Variants in CNTNAP3B observed in about 807,000 individuals in gnomAD.
The protein encoded by CNTNAP3B is contactin associated protein family member 3B, also known as contactin-associated protein-like 3B.
A neutral mutation model predicts 108.9 loss-of-function variants in CNTNAP3B; 25 were observed. The observed-to-expected ratio is 0.23, with a 90% confidence interval of 0.17 to 0.32. The LOEUF is 0.32. Among genes scored for constraint, CNTNAP3B ranks in the 10% least tolerant of loss-of-function variants. The pLI, the probability that CNTNAP3B is intolerant of heterozygous loss-of-function variation, is 1.00. For missense variants in CNTNAP3B, 252 were observed against 1,210.4 expected, an observed-to-expected ratio of 0.21 and a Z score of 11.75; for synonymous variants, 103 against 473.4, an observed-to-expected ratio of 0.22 and a Z score of 10.16.
chr9:42,094,671 A>T lies in CNTNAP3B; in HGVS notation c.196+9958T>A, dbSNP rs1465440316. 1.8e-4 allele frequency among the ~76,000 whole-genome samples: 19 copies of T among 106,970 alleles called. 2 individuals carry two copies. Among genetic ancestry groups the T allele is most frequent in the African/African-American group, 7.3e-4 (19 of 26,196 alleles). The allele number at this position is 106,970 out of a possible 152,430, so 70.2% of individuals were successfully genotyped here. A position where few individuals can be genotyped will look rare whatever the true frequency, so the allele number is the denominator to read the frequency against. ...GACTGTGTTTCAGAAAAAGAAAGAG[A>T]AAGAGAGAAGAGGGGAAAAGAAAAA... is the stretch of plus-strand genomic sequence containing the variant. On this transcript the variant is annotated intron_variant, in intron 2 of 23. Coordinates refer to ENST00000377561, the MANE Select transcript of CNTNAP3B (RefSeq NM_001201380.3).
At position 42,047,350 on chromosome 9, in the gene CNTNAP3B, A is replaced by G. The variant is rs1191613482; in HGVS notation, c.390+29519T>C. ...CTTCAGCATACAAAGTAAAATGTCA[A>G]TAATAAGAAGTAAGTGGTTACTAAA... On this transcript the variant is annotated intron_variant, in intron 3 of 23. Transcript: ENST00000377561. Among the ~76,000 whole-genome samples the G allele has an allele frequency of 2.2e-5, 3 of 133,990 alleles. 1 individual carries two copies. The highest frequency in any genetic ancestry group is 9.0e-5 in the African/African-American group (3 of 33,200). 87.9% of individuals were successfully genotyped at this position (133,990 alleles called of 152,430 possible). A position where few individuals can be genotyped will look rare whatever the true frequency, so the allele number is the denominator to read the frequency against.
At chr9:41,969,018 G>C (rs868624473) in intron 10 of CNTNAP3B, among the ~76,000 whole-genome samples, 175 of 152,298 alleles carry the variant, frequency 1.1e-3, no homozygotes, top group East Asian at 3.5e-3. Context: ...GGATGGTCTC[G>C]ATCTCCTGAC....
intron 3 of CNTNAP3B, among the ~76,000 whole-genome samples, chr9:42,046,220 G>A (rs1476894658): frequency 9.8e-6 from 1 of 102,256 alleles, no homozygotes; most frequent in Non-Finnish European, 1.9e-5. Context: ...TAAACTGAGG[G>A]AGGCAGTGCT....
At chr9:41,929,875 T>A (rs1823926088) in intron 14 of CNTNAP3B, among the ~76,000 whole-genome samples, 1 of 151,914 alleles carries the variant, frequency 6.6e-6, no homozygotes, top group Non-Finnish European at 1.5e-5. Context: ...ACTAGTGGTC[T>A]GGATTTCACC....
chr9:41,952,512 G>T (rs1379657510), intron 13 of CNTNAP3B, among the ~76,000 whole-genome samples: 2 of 152,274 alleles, frequency 1.3e-5, no homozygotes, highest in Non-Finnish European at 2.9e-5. Context: ...GGTGAGTCCT[G>T]CAGGGGACTG....
chr9:41,934,307 C>T (rs1332395227), intron 14 of CNTNAP3B, among the ~76,000 whole-genome samples: 1 of 151,868 alleles, frequency 6.6e-6, no homozygotes, highest in Non-Finnish European at 1.5e-5. Context: ...TAAGCTCCGC[C>T]TTCCAGGTTC....
intron 2 of CNTNAP3B, among the ~76,000 whole-genome samples, chr9:42,094,641 A>G (rs1359418272): frequency 8.3e-6 from 1 of 120,528 alleles, no homozygotes; most frequent in Non-Finnish European, 1.7e-5. Flanking sequence ...TGGGCAACAG[A>G]GCAAGACTGT....
intron 9 of CNTNAP3B, among the ~76,000 whole-genome samples, chr9:41,977,652 C>T (rs1393279455): frequency 7.8e-6 from 1 of 128,942 alleles, no homozygotes; most frequent in African/African-American, 3.2e-5. Flanking sequence ...GCGTCTCACT[C>T]TGTCACCCAG....
chr9:41,973,070 T>C (rs886313982), intron 9 of CNTNAP3B, among the ~76,000 whole-genome samples: 1 of 139,930 alleles, frequency 7.1e-6, no homozygotes, highest in Non-Finnish European at 1.5e-5. Context: ...CCCGAGTGGC[T>C]GGGACTACAG....
intron 10 of CNTNAP3B, among the ~76,000 whole-genome samples, chr9:41,968,885 C>T (rs1468521767): frequency 1.3e-5 from 2 of 151,972 alleles, no homozygotes; most frequent in Non-Finnish European, 2.9e-5. Flanking sequence ...CAAGCTCCGC[C>T]TCCCGGGTTC....
chr9:41,919,000 C>G (rs1256010822), intron 18 of CNTNAP3B, among the ~76,000 whole-genome samples: 1 of 152,182 alleles, frequency 6.6e-6, no homozygotes, highest in East Asian at 1.9e-4. Context: ...GTGTAACAGC[C>G]CAGAGACACT....
chr9:42,116,110 A>C (rs570508245), intron 1 of CNTNAP3B, among the ~76,000 whole-genome samples: 1 of 139,772 alleles, frequency 7.2e-6, no homozygotes, highest in Non-Finnish European at 1.5e-5. Flanking sequence ...AACTGGAAGA[A>C]AGGGTATCAG....
At chr9:42,063,805 T>C (rs1827215662) in intron 3 of CNTNAP3B, among the ~76,000 whole-genome samples, 1 of 147,226 alleles carries the variant, frequency 6.8e-6, no homozygotes, top group African/African-American at 2.6e-5. Context: ...CACTGCAACC[T>C]CAAACTCCTG....
At chr9:42,076,800 A>G in intron 3 of CNTNAP3B, 69 bp downstream of exon 3, 1 of 1,386,948 alleles carries the variant, frequency 7.2e-7, no homozygotes, top group South Asian at 1.3e-5. Context: ...TTTCAAAGTA[A>G]TTCTTAAAAT....
At chr9:41,968,934 C>T (rs2118255803) in intron 10 of CNTNAP3B, among the ~76,000 whole-genome samples, 1 of 152,262 alleles carries the variant, frequency 6.6e-6, no homozygotes, top group Non-Finnish European at 1.5e-5. Flanking sequence ...GTAGCTGGAA[C>T]TACAGGCGCC....
intron 18 of CNTNAP3B, among the ~76,000 whole-genome samples, chr9:41,918,623 T>C (rs1295485655): frequency 7.7e-4 from 107 of 138,986 alleles, no homozygotes; most frequent in East Asian, 6.5e-3. Context: ...CTATAACATA[T>C]GCCCCAGCCA....
intron 14 of CNTNAP3B, among the ~76,000 whole-genome samples, chr9:41,935,667 T>A (rs1430935918): frequency 1.3e-5 from 2 of 152,270 alleles, no homozygotes; most frequent in Non-Finnish European, 2.9e-5. Flanking sequence ...TGGGTTAGGA[T>A]TTCAGAATGC....
At chr9:41,939,361 T>C (rs1174054682) in intron 13 of CNTNAP3B, among the ~76,000 whole-genome samples, 44 of 152,348 alleles carry the variant, frequency 2.9e-4, no homozygotes, top group African/African-American at 1.1e-3. Context: ...CAATAGGTTG[T>C]TACCATTGGA....
intron 1 of CNTNAP3B, among the ~76,000 whole-genome samples, chr9:42,118,376 G>A (rs1254301333): frequency 2.9e-5 from 4 of 139,532 alleles, no homozygotes; most frequent in East Asian, 2.2e-4. Flanking sequence ...TTCAACATAC[G>A]AAAATCAATA....
Sources: gnomAD v4.1 joint callset for allele counts (sites outside exome capture counted in the v4.1 genomes callset) on GRCh38, gnomAD v4.1.1 for gene constraint, MANE v1.5 for transcripts, NCBI Gene and HGNC (gene_info 2026-07-23, HGNC 2026-07-21) for gene names.